NEDD4L: variants seen among roughly 807,000 people sequenced by gnomAD.
NEDD4L encodes the protein NEDD4 like E3 ubiquitin protein ligase.
In NEDD4L, 54 loss-of-function variants were observed where a neutral mutation model predicts 148.9. The ratio of observed to expected loss-of-function variants is 0.36; its 90% CI spans 0.29 to 0.45. NEDD4L has a LOEUF of 0.45. Ranked by LOEUF, NEDD4L falls within the 20% of genes least tolerant of loss-of-function variation. The probability of loss-of-function intolerance (pLI) is 1.00; values close to 1 mark genes in which losing one functional copy is unlikely to be tolerated. For synonymous variants in NEDD4L, 433 were observed against 440.7 expected (o/e 0.98, Z 0.22); for missense variants, 856 against 1,233.8 (o/e 0.69, Z 4.59).
intron 3 of NEDD4L, among the ~76,000 whole-genome samples, chr18:58,248,375 G>GA (rs1003054115): frequency 6.6e-6 from 1 of 151,852 alleles, no homozygotes; most frequent in Non-Finnish European, 1.5e-5. Flanking sequence ...TATTTTTGGA[G>GA]AAAAAAATAA....
chr18:58,302,276 G>T (rs2056577561), intron 5 of NEDD4L, among the ~76,000 whole-genome samples: 2 of 152,194 alleles, frequency 1.3e-5, no homozygotes, highest in African/African-American at 2.4e-5. Flanking sequence ...AATCCCAAGA[G>T]AGTGTCCCCG....
chr18:58,347,040 A>G, intron 16 of NEDD4L, among the ~76,000 whole-genome samples: 1 of 152,116 alleles, frequency 6.6e-6, no homozygotes, highest in Non-Finnish European at 1.5e-5. Context: ...ATAAAATAAT[A>G]TTATAAGCCT....
At position 58,260,575 on chromosome 18, in the gene NEDD4L, GA is replaced by G. The variant is rs374641733; in HGVS notation, c.297+8524del. On this transcript the variant is annotated intron_variant, in intron 5 of 30. Coordinates refer to ENST00000400345, the MANE Select transcript of NEDD4L (RefSeq NM_001144967.3). ...ATGGTGTTATTTCACTGTTTCAGAT[GA>G]AAGGATGTGATACCGTTGTTAGGTG... 2.3e-3 allele frequency among the ~76,000 whole-genome samples: 343 copies of G among 152,320 alleles called. 2 individuals are homozygous for G. The highest frequency in any genetic ancestry group is 7.9e-3 in the African/African-American group (328 of 41,556).
chr18:58,231,351 G>A (rs988657394), intron 2 of NEDD4L, among the ~76,000 whole-genome samples: 1 of 151,856 alleles, frequency 6.6e-6, no homozygotes, highest in Admixed American at 6.6e-5. Context: ...AGAGTGGAGA[G>A]GCTGGTTATT....
intron 2 of NEDD4L, among the ~76,000 whole-genome samples, chr18:58,186,455 A>G (rs922531787): frequency 2.0e-5 from 3 of 152,032 alleles, no homozygotes; most frequent in South Asian, 2.1e-4. Context: ...TATTTTTTTT[A>G]TAATGTGTGA....
chr18:58,058,457 C>T (rs1449354259), intron 1 of NEDD4L, among the ~76,000 whole-genome samples: 2 of 152,232 alleles, frequency 1.3e-5, no homozygotes, highest in Non-Finnish European at 2.9e-5. Context: ...AAATGCCTTA[C>T]TCGTGAACCA....
At chr18:58,348,739 C>G (rs953598198) in intron 16 of NEDD4L, among the ~76,000 whole-genome samples, 1 of 152,134 alleles carries the variant, frequency 6.6e-6, no homozygotes, top group Admixed American at 6.5e-5. Flanking sequence ...AGACCATGTG[C>G]CCAACCTCCT....
chr18:58,200,942 A>T (rs908475567), intron 2 of NEDD4L, among the ~76,000 whole-genome samples: 2 of 152,184 alleles, frequency 1.3e-5, no homozygotes, highest in Non-Finnish European at 2.9e-5. Context: ...CTTAGATCTT[A>T]TATATATTGA....
intron 2 of NEDD4L, among the ~76,000 whole-genome samples, chr18:58,190,221 C>T (rs961661257): frequency 1.3e-5 from 2 of 152,148 alleles, no homozygotes; most frequent in African/African-American, 4.8e-5. Flanking sequence ...AAGAAACTCT[C>T]CTAAGGAAGT....
At chr18:58,299,276 C>T (rs2056130671) in intron 5 of NEDD4L, among the ~76,000 whole-genome samples, 1 of 152,238 alleles carries the variant, frequency 6.6e-6, no homozygotes, top group African/African-American at 2.4e-5. Flanking sequence ...ATCCAAGTGT[C>T]ACCTCCTGTC....
At chr18:58,238,787 A>G (rs2046306291) in intron 2 of NEDD4L, among the ~76,000 whole-genome samples, 1 of 152,226 alleles carries the variant, frequency 6.6e-6, no homozygotes, top group Admixed American at 6.5e-5. Flanking sequence ...GTTGTTTCCC[A>G]GAAAAGATAT....
intron 28 of NEDD4L, 199 bp from the exon 29 acceptor site, chr18:58,390,447 G>A (rs968965852): frequency 1.8e-5 from 9 of 488,362 alleles, no homozygotes; most frequent in African/African-American, 1.5e-4. Context: ...GAAAGAGACG[G>A]ACATTGTGAT....
intron 2 of NEDD4L, among the ~76,000 whole-genome samples, chr18:58,234,590 C>T (rs1165383628): frequency 6.6e-6 from 1 of 152,076 alleles, no homozygotes; most frequent in East Asian, 1.9e-4. Flanking sequence ...CTATCTCAGC[C>T]TCCCAAAGGG....
At chr18:58,109,560 GGTTTTTTTTTT>G (rs1194001486) in intron 1 of NEDD4L, among the ~76,000 whole-genome samples, 1 of 138,814 alleles carries the variant, frequency 7.2e-6, no homozygotes, top group African/African-American at 2.8e-5. Flanking sequence ...ACAACTAGGA[GGTTTTTTTTTT>G]GTTTTTTTTT....
chr18:58,165,086 G>A (rs2146601307), intron 1 of NEDD4L, among the ~76,000 whole-genome samples: 1 of 152,310 alleles, frequency 6.6e-6, no homozygotes, highest in South Asian at 2.1e-4. Flanking sequence ...ATAGGGTCCT[G>A]TACTGCTGGG....
intron 1 of NEDD4L, among the ~76,000 whole-genome samples, chr18:58,156,442 C>A (rs2035506630): frequency 6.6e-6 from 1 of 152,200 alleles, no homozygotes. Context: ...TGCGCTTTGT[C>A]TTAGAGAAGT....
At chr18:58,068,463 T>G (rs1301140204) in intron 1 of NEDD4L, among the ~76,000 whole-genome samples, 3 of 152,156 alleles carry the variant, frequency 2.0e-5, no homozygotes, top group Non-Finnish European at 4.4e-5. Context: ...CCTCCCAAAG[T>G]GCTGGGATTA....
At chr18:58,326,366 A>G (rs982246197) in intron 9 of NEDD4L, among the ~76,000 whole-genome samples, 18 of 152,248 alleles carry the variant, frequency 1.2e-4, no homozygotes, top group Admixed American at 3.3e-4. Flanking sequence ...GACAGCAAAA[A>G]TATCAGATCA....
At chr18:58,329,796 G>A (rs190005) in intron 10 of NEDD4L, among the ~76,000 whole-genome samples, 1 of 151,792 alleles carries the variant, frequency 6.6e-6, no homozygotes, top group Non-Finnish European at 1.5e-5. Flanking sequence ...ACTGTGTCCA[G>A]CCCACATTAT....
Sources: gnomAD v4.1 joint callset for allele counts (sites outside exome capture counted in the v4.1 genomes callset) on GRCh38, gnomAD v4.1.1 for gene constraint, MANE v1.5 for transcripts, NCBI Gene and HGNC (gene_info 2026-07-23, HGNC 2026-07-21) for gene names.